DNAJC5B: variants seen among roughly 807,000 people sequenced by gnomAD.
The protein encoded by DNAJC5B is DnaJ heat shock protein family (Hsp40) member C5 beta.
Under a neutral mutation model 24.7 loss-of-function variants are expected in DNAJC5B, and 23 were observed. The ratio of observed to expected loss-of-function variants is 0.93; its 90% CI spans 0.67 to 1.32. The LOEUF is 1.32. Ranked by LOEUF, DNAJC5B falls within the 40% of genes most tolerant of loss-of-function variation. DNAJC5B has a pLI of 0.00. For missense variants in DNAJC5B, 238 were observed against 240.8 expected (o/e 0.99, Z 0.08); for synonymous variants, 101 against 90.1 (o/e 1.12, Z -0.68).
intron 1 of DNAJC5B, among the ~76,000 whole-genome samples, chr8:66,029,419 A>G (rs952877270): frequency 1.3e-5 from 2 of 152,188 alleles, no homozygotes; most frequent in African/African-American, 4.8e-5. Context: ...AGGCAGGGGC[A>G]AGTCCGTGGG....
At chr8:66,067,657 G>T (rs1807250141) in intron 3 of DNAJC5B, among the ~76,000 whole-genome samples, 1 of 152,156 alleles carries the variant, frequency 6.6e-6, no homozygotes, top group African/African-American at 2.4e-5. Flanking sequence ...AGACCATCTT[G>T]TTGTGAGAAG....
intron 4 of DNAJC5B, among the ~76,000 whole-genome samples, chr8:66,077,771 G>T (rs964910431): frequency 6.6e-6 from 1 of 152,204 alleles, no homozygotes; most frequent in African/African-American, 2.4e-5. Flanking sequence ...CAGGAAGACA[G>T]AGAATATGTT....
At chr8:66,044,176 C>T (rs1806676546) in intron 2 of DNAJC5B, among the ~76,000 whole-genome samples, 1 of 152,108 alleles carries the variant, frequency 6.6e-6, no homozygotes, top group Admixed American at 6.5e-5. Context: ...TACTTTTAAA[C>T]ATAGGATTTG....
chr8:66,068,977 A>C (rs1006671284), intron 3 of DNAJC5B, among the ~76,000 whole-genome samples: 2 of 152,150 alleles, frequency 1.3e-5, no homozygotes, highest in Non-Finnish European at 2.9e-5. Flanking sequence ...ACAATTCTAC[A>C]TCCAGGGAAA....
intron 5 of DNAJC5B, among the ~76,000 whole-genome samples, chr8:66,081,962 G>A (rs1198736905): frequency 6.6e-6 from 1 of 152,068 alleles, no homozygotes; most frequent in Non-Finnish European, 1.5e-5. Context: ...CAAGCAAGCA[G>A]GATTACAAGT....
At chr8:66,089,542 T>C (rs1807800288) in intron 5 of DNAJC5B, among the ~76,000 whole-genome samples, 1 of 152,238 alleles carries the variant, frequency 6.6e-6, no homozygotes, top group African/African-American at 2.4e-5. Flanking sequence ...CAATTCTAAT[T>C]ATGTATCTAA....
At chr8:66,048,297 C>G (rs1158080762) in intron 2 of DNAJC5B, among the ~76,000 whole-genome samples, 1 of 152,168 alleles carries the variant, frequency 6.6e-6, no homozygotes, top group Non-Finnish European at 1.5e-5. Context: ...CAGCCCTTCT[C>G]CTATCAGGCC....
chr8:66,051,403 CT>C, intron 2 of DNAJC5B, 127 bp from the exon 3 acceptor site: 2 of 650,716 alleles, frequency 3.1e-6, no homozygotes, highest in Non-Finnish European at 2.7e-6. Context: ...TTTCTCCCCT[CT>C]TTTTGTAGTT....
intron 3 of DNAJC5B, among the ~76,000 whole-genome samples, chr8:66,075,888 A>G (rs1352398701): frequency 6.6e-6 from 1 of 152,200 alleles, no homozygotes; most frequent in African/African-American, 2.4e-5. Flanking sequence ...TTAAAATGAA[A>G]CAATTTGTTC....
chr8:66,082,313 A>G, intron 5 of DNAJC5B, among the ~76,000 whole-genome samples: 1 of 152,004 alleles, frequency 6.6e-6, no homozygotes. Context: ...TAGGATACCT[A>G]GGTTCAATCT....
intron 2 of DNAJC5B, among the ~76,000 whole-genome samples, chr8:66,047,928 A>G (rs1806758227): frequency 6.6e-6 from 1 of 152,160 alleles, no homozygotes; most frequent in African/African-American, 2.4e-5. Context: ...CTGTACAAAT[A>G]CAGGGCCCCG....
At chr8:66,061,238 G>A (rs1807073773) in intron 3 of DNAJC5B, among the ~76,000 whole-genome samples, 2 of 152,088 alleles carry the variant, frequency 1.3e-5, no homozygotes, top group African/African-American at 2.4e-5. Flanking sequence ...CTATGACTGA[G>A]CCTGTGAATA....
chr8:66,043,916 T>C (rs941960082), intron 2 of DNAJC5B, among the ~76,000 whole-genome samples: 1 of 146,646 alleles, frequency 6.8e-6, no homozygotes, highest in African/African-American at 2.6e-5. Context: ...AACCTCTGCC[T>C]CCCAGGTTCA....
intron 3 of DNAJC5B, among the ~76,000 whole-genome samples, chr8:66,070,476 T>C (rs2128962793): frequency 6.6e-6 from 1 of 152,040 alleles, no homozygotes; most frequent in East Asian, 1.9e-4. Flanking sequence ...GAAAATAAAA[T>C]ACCTAGGAAT....
intron 5 of DNAJC5B, among the ~76,000 whole-genome samples, chr8:66,097,673 TC>T (rs1807983443): frequency 6.6e-6 from 1 of 152,084 alleles, no homozygotes; most frequent in African/African-American, 2.4e-5. Context: ...TTTATCATGC[TC>T]TTTTAAAAAA....
At chr8:66,051,413 T>G in intron 2 of DNAJC5B, 118 bp from the exon 3 acceptor site, 1 of 674,028 alleles carries the variant, frequency 1.5e-6, no homozygotes, top group Non-Finnish European at 2.6e-6. Flanking sequence ...CTTTTTGTAG[T>G]TGGTACACAA....
At chr8:66,037,709 C>G (rs1444904264) in intron 1 of DNAJC5B, among the ~76,000 whole-genome samples, 1 of 152,200 alleles carries the variant, frequency 6.6e-6, no homozygotes, top group African/African-American at 2.4e-5. Flanking sequence ...TTGTAAATAG[C>G]AAAGGAGCAC....
intron 1 of DNAJC5B, among the ~76,000 whole-genome samples, chr8:66,030,904 T>C (rs1053739450): frequency 2.5e-4 from 38 of 152,218 alleles, no homozygotes; most frequent in Non-Finnish European, 4.6e-4. Flanking sequence ...CCCAAAGTGC[T>C]GAAATTACAG....
chr8:66,068,984 G>A (rs1407010232), intron 3 of DNAJC5B, among the ~76,000 whole-genome samples: 4 of 152,002 alleles, frequency 2.6e-5, no homozygotes, highest in Admixed American at 6.6e-5. Flanking sequence ...TACATCCAGG[G>A]AAATTTTCAA....
Sources: allele counts gnomAD v4.1 joint callset (sites outside exome capture counted in the v4.1 genomes callset), GRCh38; gene constraint gnomAD v4.1.1; transcripts MANE v1.5; gene names NCBI Gene and HGNC (gene_info 2026-07-23, HGNC 2026-07-21).